MTUS2: variants seen among roughly 807,000 people sequenced by gnomAD.
MTUS2 encodes microtubule associated scaffold protein 2.
In MTUS2, 40 loss-of-function variants were observed where a neutral mutation model predicts 114.1. That is an observed-to-expected ratio of 0.35 (90% CI 0.27 to 0.46). The LOEUF is 0.46. MTUS2 is among the 20% of genes least tolerant of loss of function. The pLI is 1.00. For missense variants in MTUS2, 1,679 were observed against 1,705.4 expected, an observed-to-expected ratio of 0.98 and a Z score of 0.27; for synonymous variants, 688 against 672.0, an observed-to-expected ratio of 1.02 and a Z score of -0.37.
intron 8 of MTUS2, among the ~76,000 whole-genome samples, chr13:29,439,091 G>A (rs1192278709): frequency 2.6e-5 from 4 of 152,130 alleles, no homozygotes; most frequent in Admixed American, 6.5e-5. Flanking sequence ...TTCCCTCCCC[G>A]GAAATCACTT....
At chr13:29,159,634 C>G (rs531239127) in intron 5 of MTUS2, among the ~76,000 whole-genome samples, 1 of 148,170 alleles carries the variant, frequency 6.7e-6, no homozygotes, top group East Asian at 2.0e-4. Flanking sequence ...ATAAAGAACT[C>G]TTAAAACTCA....
intron 5 of MTUS2, among the ~76,000 whole-genome samples, chr13:29,110,302 C>T (rs980894930): frequency 1.3e-5 from 2 of 152,200 alleles, no homozygotes; most frequent in South Asian, 2.1e-4. Context: ...TTTGATTTCA[C>T]AGTACTTAAA....
chr13:29,219,635 A>G (rs35938913), intron 5 of MTUS2, among the ~76,000 whole-genome samples: 22,732 of 152,218 alleles, frequency 0.15, 1,881 homozygotes, highest in East Asian at 0.31. Flanking sequence ...GGCATCTTCT[A>G]ATAGAAGACT....
At position 29,008,393 on chromosome 13, in the gene MTUS2, T is replaced by C. The variant is rs1310468544; in HGVS notation, c.-242-16064T>C. 2.0e-5 allele frequency among the ~76,000 whole-genome samples: 3 copies of C among 152,340 alleles called. No homozygotes were observed. The South Asian group carries it at 6.2e-4, about 32-fold the overall frequency. ...TCAGTCACATTTTTCTCGCTGGATC[T>C]ACTTTCCACCGCCTTCTGTCTTTCT... On this transcript the variant is annotated intron_variant, in intron 2 of 15. Coordinates refer to ENST00000612955, the MANE Select transcript of MTUS2 (RefSeq NM_001033602.4).
intron 8 of MTUS2, among the ~76,000 whole-genome samples, chr13:29,408,356 C>T (rs1269562186): frequency 6.6e-6 from 1 of 152,172 alleles, no homozygotes; most frequent in African/African-American, 2.4e-5. Context: ...TGCTGAGTTG[C>T]ACAGGCTGGA....
rs556999937 is a variant in MTUS2 at position 29,463,232 on chromosome 13, C to T, written c.3185-16918C>T. Among the ~76,000 whole-genome samples, 3 of 152,274 alleles carry T rather than the reference C, an allele frequency of 2.0e-5. No individual in the cohort carries two copies. The South Asian group carries it at 6.2e-4, about 32-fold the overall frequency. ...CTCCTGGGAGCCACCAAAGGGAGCA[C>T]ACCCCTGCTGACACCTTGATTTGAG... On this transcript the variant is annotated intron_variant, in intron 9 of 15. Transcript: ENST00000612955.
chr13:29,004,116 C>T (rs779820186), intron 2 of MTUS2, among the ~76,000 whole-genome samples: 7 of 152,074 alleles, frequency 4.6e-5, no homozygotes, highest in Non-Finnish European at 8.8e-5. Flanking sequence ...CCTGCCAGCC[C>T]GAAACAATGA....
At chr13:28,893,727 G>T (rs1296013296) in intron 2 of MTUS2, among the ~76,000 whole-genome samples, 1 of 152,124 alleles carries the variant, frequency 6.6e-6, no homozygotes, top group African/African-American at 2.4e-5. Flanking sequence ...CCCTCCACGT[G>T]GTTTTTAAAG....
At chr13:29,498,136 C>T (rs1191557277) in intron 13 of MTUS2, among the ~76,000 whole-genome samples, 1 of 152,220 alleles carries the variant, frequency 6.6e-6, no homozygotes, top group Admixed American at 6.5e-5. Flanking sequence ...CTGCTGGGCA[C>T]AGGCTGGCAG....
Position 29,057,146 on chromosome 13 carries a change from G to A in MTUS2, c.2446+23021G>A, listed in dbSNP as rs371528400. On this transcript the variant is annotated intron_variant, in intron 4 of 15. Coordinates refer to ENST00000612955, the MANE Select transcript of MTUS2 (RefSeq NM_001033602.4). ...TAGTATTGACTTCTGTTTTTATTGT[G>A]CTGCGGCCTAAGAGTGTGTTTGTTA... 2.0e-4 allele frequency among the ~76,000 whole-genome samples: 31 copies of A among 152,064 alleles called. 1 individual carries two copies. The highest frequency in any genetic ancestry group is 7.0e-4 in the African/African-American group (29 of 41,556).
intron 11 of MTUS2, 188 bp downstream of exon 11, chr13:29,488,193 C>G: frequency 1.7e-6 from 1 of 589,334 alleles, no homozygotes; most frequent in East Asian, 2.9e-5. Context: ...TAGTTAGCTG[C>G]TTCTTTCCTC....
At chr13:29,092,531 A>G (rs1431841850) in intron 4 of MTUS2, among the ~76,000 whole-genome samples, 1 of 152,068 alleles carries the variant, frequency 6.6e-6, no homozygotes, top group East Asian at 1.9e-4. Flanking sequence ...TGTCAGAGTA[A>G]CCTTATTCAT....
chr13:28,923,385 C>T (rs1881154074), intron 2 of MTUS2, among the ~76,000 whole-genome samples: 2 of 152,142 alleles, frequency 1.3e-5, no homozygotes, highest in South Asian at 4.1e-4. Context: ...GCTTCTGAGT[C>T]CTGTTTAGAT....
chr13:28,975,459 TCTCGCCTGCGGCAGCATCGCC>T (rs1265630441), intron 2 of MTUS2, among the ~76,000 whole-genome samples: 86 of 150,208 alleles, frequency 5.7e-4, no homozygotes, highest in Non-Finnish European at 9.3e-4. Flanking sequence ...GCGTTTCCAA[TCTCGCCTGCGGCAGCATCGCC>T]CTCCCCTGCG....
At chr13:28,991,323 A>G (rs929418326) in intron 2 of MTUS2, among the ~76,000 whole-genome samples, 1 of 150,644 alleles carries the variant, frequency 6.6e-6, no homozygotes, top group Non-Finnish European at 1.5e-5. Context: ...TTTTCTTTCC[A>G]TTGAGGTAGT....
intron 9 of MTUS2, among the ~76,000 whole-genome samples, chr13:29,451,035 G>A (rs1878650645): frequency 6.6e-6 from 1 of 152,126 alleles, no homozygotes; most frequent in South Asian, 2.1e-4. Context: ...AATAGAAAAA[G>A]CAGGCAGAAA....
chr13:29,197,567 G>C (rs1184637359), intron 5 of MTUS2, among the ~76,000 whole-genome samples: 1 of 150,942 alleles, frequency 6.6e-6, no homozygotes, highest in Non-Finnish European at 1.5e-5. Context: ...GATTCTTTGG[G>C]TATATACTCA....
intron 8 of MTUS2, among the ~76,000 whole-genome samples, chr13:29,430,126 C>T (rs917887613): frequency 6.6e-6 from 1 of 151,692 alleles, no homozygotes; most frequent in East Asian, 2.0e-4. Flanking sequence ...AAGCCTTTTG[C>T]GAAGTGGTCA....
At chr13:29,151,702 A>G (rs1288796898) in intron 5 of MTUS2, among the ~76,000 whole-genome samples, 1 of 152,174 alleles carries the variant, frequency 6.6e-6, no homozygotes, top group Non-Finnish European at 1.5e-5. Context: ...ATTTTGAGGT[A>G]TGTTTCTTCA....
Sources: allele counts gnomAD v4.1 joint callset (sites outside exome capture counted in the v4.1 genomes callset), GRCh38; gene constraint gnomAD v4.1.1; transcripts MANE v1.5; gene names NCBI Gene and HGNC (gene_info 2026-07-23, HGNC 2026-07-21).